WHRN: variants seen among roughly 807,000 people sequenced by gnomAD.
The protein encoded by WHRN is whirlin.
In WHRN, 41 loss-of-function variants were observed where a neutral mutation model predicts 68.3. That is an observed-to-expected ratio of 0.60 (90% CI 0.47 to 0.78). WHRN has a LOEUF of 0.78. Among genes scored for constraint, WHRN ranks in the 30% least tolerant of loss-of-function variants. WHRN has a pLI of 0.00. For synonymous variants in WHRN, 560 were observed against 561.3 expected (o/e 1.00, Z 0.03); for missense variants, 1,243 against 1,244.7 (o/e 1.00, Z 0.02).
intron 3 of WHRN, among the ~76,000 whole-genome samples, chr9:114,433,874 G>A (rs56359878): frequency 0.019 from 2,918 of 152,146 alleles, 115 homozygotes; most frequent in African/African-American, 0.066. Context: ...CTCCCAATAT[G>A]GTCTATGCTT....
chr9:114,469,848 G>C (rs80265708), intron 2 of WHRN, among the ~76,000 whole-genome samples: 3,140 of 152,342 alleles, frequency 0.021, 65 homozygotes, highest in South Asian at 0.056. Context: ...CTCCAGAGGA[G>C]AACCCGCTTC....
Position 114,504,243 on chromosome 9 carries a change from G to A in WHRN, c.559C>T (p.Gln187Ter), listed in dbSNP as rs1230382008. Residue 187 changes from glutamine (Q) to a stop codon, truncating the protein, a stop_gained, in exon 1 of 12, where the codon CAG becomes TAG. Transcript: ENST00000362057. LOFTEE classifies it high-confidence loss of function. ...AEKEGLRVGDQILRVNDKSLA... is the reference protein window; with the variant it reads ...AEKEGLRVGD ...GATTTGTCGTTGACGCGCAGAATCTGGTCCCCGACCCGCAGTCCTTCCTTC... is the reference window on the plus strand; with the variant it reads ...GATTTGTCGTTGACGCGCAGAATCTAGTCCCCGACCCGCAGTCCTTCCTTC... 2 of 1,614,032 alleles carry A rather than the reference G, an allele frequency of 1.2e-6. No individual in the cohort carries two copies. The highest frequency in any genetic ancestry group is 1.7e-6 in the Non-Finnish European group (2 of 1,180,038).
At position 114,466,387 on chromosome 9, in the gene WHRN, G is replaced by T; in HGVS notation, c.843C>A (p.Asn281Lys). The T allele has an allele frequency of 1.2e-6, 2 of 1,614,040 alleles. No homozygotes were observed. The highest frequency in any genetic ancestry group is 1.7e-6 in the Non-Finnish European group (2 of 1,180,024). Residue 281 changes from asparagine (N) to lysine (K), a missense_variant, in exon 3 of 12, where the codon AAC becomes AAA. By Grantham distance (94) the Asn-to-Lys change is moderately conservative. Coordinates refer to ENST00000362057, the MANE Select transcript of WHRN (RefSeq NM_015404.4). Reference protein sequence around the residue: ...LLQGGDEKKVNLVLGDGRSLG... With the variant: ...LLQGGDEKKVKLVLGDGRSLG... ...GGGACCGGCCGTCCCCCAGCACCAG[G>T]TTCACCTGTCAGAGGGAGAGGATAA...
At chr9:114,450,826 T>TC (rs386415963) in intron 3 of WHRN, among the ~76,000 whole-genome samples, 32,472 of 141,496 alleles carry the variant, frequency 0.23, 3,880 homozygotes, top group East Asian at 0.34. Flanking sequence ...ATTATTAGTT[T>TC]CCCCCCCCGC....
chr9:114,433,843 G>C (rs529884507), intron 3 of WHRN, among the ~76,000 whole-genome samples: 1 of 152,118 alleles, frequency 6.6e-6, no homozygotes, highest in Non-Finnish European at 1.5e-5. Context: ...GGATGGACCC[G>C]GCAAGGCTAA....
intron 1 of WHRN, among the ~76,000 whole-genome samples, chr9:114,479,028 A>T (rs543641318): frequency 6.6e-6 from 1 of 152,328 alleles, no homozygotes; most frequent in East Asian, 1.9e-4. Context: ...TTTGCATTGC[A>T]GGCCTGACAC....
intron 2 of WHRN, among the ~76,000 whole-genome samples, chr9:114,469,309 G>C (rs9657661): frequency 0.98 from 149,545 of 152,324 alleles, 73,448 homozygotes; most frequent in East Asian, 1. Flanking sequence ...TCCATCTACA[G>C]GCTTTCGAGC....
chr9:114,409,807 A>G (rs1460277701), intron 7 of WHRN, among the ~76,000 whole-genome samples: 1 of 151,592 alleles, frequency 6.6e-6, no homozygotes, highest in Non-Finnish European at 1.5e-5. Flanking sequence ...CTCAGCTAAA[A>G]TCGTAACCTT....
chr9:114,470,698 C>A (rs1841138429), intron 2 of WHRN, among the ~76,000 whole-genome samples: 1 of 152,114 alleles, frequency 6.6e-6, no homozygotes, highest in Admixed American at 6.5e-5. Flanking sequence ...TCCTGCCACG[C>A]CTGGCAGAGC....
Position 114,403,320 on chromosome 9 carries a change from G to T in WHRN, c.2438C>A (p.Thr813Lys), listed in dbSNP as rs143728180. The T allele has an allele frequency of 1.9e-6, 3 of 1,614,058 alleles. No homozygotes were observed. Among genetic ancestry groups the T allele is most frequent in the African/African-American group, 1.3e-5 (1 of 75,046 alleles). ...TTTCTTCACACGGACCAGAGTGGAC[G>T]TGGGCTCCAGAAGTCCAGGCTGTGG... ...ANKPPGLLEP[T>K]STLVRVKKSA... The change falls in exon 11 of 12, where the codon ACG (threonine) becomes AAG (lysine). Residue 813 changes from threonine (T) to lysine (K), a missense_variant. Physicochemically the swap from Thr to Lys is moderately conservative, Grantham distance 78 (BLOSUM62 -1). Coordinates refer to ENST00000362057, the MANE Select transcript of WHRN (RefSeq NM_015404.4).
At chr9:114,467,657 C>A (rs1840836896) in intron 2 of WHRN, among the ~76,000 whole-genome samples, 1 of 152,114 alleles carries the variant, frequency 6.6e-6, no homozygotes, top group Admixed American at 6.6e-5. Context: ...CAAGGACACG[C>A]AAGGGGTGGC....
chr9:114,454,936 A>G (rs1284291506), intron 3 of WHRN, among the ~76,000 whole-genome samples: 1 of 152,230 alleles, frequency 6.6e-6, no homozygotes, highest in Non-Finnish European at 1.5e-5. Context: ...TTTTGGCAAA[A>G]GAGCAAAGGC....
chr9:114,495,116 G>A (rs1392117093), intron 1 of WHRN, among the ~76,000 whole-genome samples: 2 of 152,210 alleles, frequency 1.3e-5, no homozygotes, highest in Non-Finnish European at 2.9e-5. Flanking sequence ...GGCCAAGAGT[G>A]GACACAACTT....
rs946537300 is a variant in WHRN at position 114,505,218 on chromosome 9, C to T, written c.-417G>A. On this transcript the variant is annotated 5_prime_UTR_variant, in exon 1 of 12. Coordinates refer to ENST00000362057, the MANE Select transcript of WHRN (RefSeq NM_015404.4). ...ACCTGACTGCCCCGTCACACCATGC[C>T]CGGGGCTCCCCCAGCCGGGCGCCCG... The T allele has an allele frequency of 6.0e-6, 1 of 166,816 alleles. No homozygotes were observed. Among genetic ancestry groups the T allele is most frequent in the African/African-American group, 2.4e-5 (1 of 41,972 alleles). 10.3% of individuals were successfully genotyped at this position (166,816 alleles called of 1,614,324 possible).
chr9:114,480,548 G>A (rs1432011364), intron 1 of WHRN, among the ~76,000 whole-genome samples: 2 of 152,156 alleles, frequency 1.3e-5, no homozygotes, highest in African/African-American at 4.8e-5. Flanking sequence ...AAGTCTGAAA[G>A]TGGGCCCTCA....
chr9:114,487,296 T>G (rs984613709), intron 1 of WHRN, among the ~76,000 whole-genome samples: 2 of 151,332 alleles, frequency 1.3e-5, no homozygotes, highest in African/African-American at 4.9e-5. Flanking sequence ...ACGACTGATA[T>G]GTGTTGATGT....
intron 7 of WHRN, among the ~76,000 whole-genome samples, chr9:114,410,126 C>T (rs1337450333): frequency 1.3e-5 from 2 of 152,164 alleles, no homozygotes; most frequent in Non-Finnish European, 2.9e-5. Context: ...CTCAGCGAGG[C>T]CCTCCCAGAG....
chr9:114,441,252 C>T (rs1373924663), intron 3 of WHRN, among the ~76,000 whole-genome samples: 2 of 151,590 alleles, frequency 1.3e-5, no homozygotes, highest in Non-Finnish European at 1.5e-5. Flanking sequence ...AGTAGGCTAT[C>T]AATAGTTAAG....
chr9:114,499,809 T>A (rs556188270), intron 1 of WHRN, among the ~76,000 whole-genome samples: 1 of 152,166 alleles, frequency 6.6e-6, no homozygotes, highest in African/African-American at 2.4e-5. Context: ...ATCACACTTA[T>A]CTTTGCAGCT....
Sources: allele counts gnomAD v4.1 joint callset (sites outside exome capture counted in the v4.1 genomes callset), GRCh38; gene constraint gnomAD v4.1.1; transcripts MANE v1.5; gene names NCBI Gene and HGNC (gene_info 2026-07-23, HGNC 2026-07-21).